The following UMAD1 variants were observed in gnomAD, a reference collection of about 807,000 sequenced individuals.
UMAD1 encodes the protein UBAP1-MVB12-associated (UMA)-domain containing protein 1.
UMAD1 carries 8 observed loss-of-function variants against 6.1 expected under a neutral mutation model. That is an observed-to-expected ratio of 1.30 (90% CI 0.76 to 2.35). The LOEUF (loss-of-function observed/expected upper bound fraction) is 2.35. UMAD1 is among the 30% of genes most tolerant of loss of function. UMAD1 has a pLI of 0.00. For synonymous variants in UMAD1, 56 were observed against 31.4 expected (o/e 1.78, Z -2.61); for missense variants, 130 against 78.4 (o/e 1.66, Z -2.49).
chr7:7,748,103 A>ATTTTTTTTTTTTT (rs35368211), intron 2 of UMAD1, among the ~76,000 whole-genome samples: 6 of 140,160 alleles, frequency 4.3e-5, no homozygotes, highest in African/African-American at 1.1e-4. Context: ...CGCCCAGCTA[A>ATTTTTTTTTTTTT]TTTTTTTTTT....
At chr7:7,861,351 C>G (rs529907640) in intron 3 of UMAD1, among the ~76,000 whole-genome samples, 17 of 152,218 alleles carry the variant, frequency 1.1e-4, no homozygotes, top group Non-Finnish European at 2.2e-4. Flanking sequence ...TCCTGCCATT[C>G]TGAATGGCCA....
intron 3 of UMAD1, among the ~76,000 whole-genome samples, chr7:7,828,842 C>T (rs563512576): frequency 1.4e-4 from 21 of 152,186 alleles, no homozygotes; most frequent in East Asian, 1.2e-3. Context: ...ACAAGAAAAT[C>T]GACTGGCCCA....
At chr7:7,835,812 T>A (rs917650221) in intron 3 of UMAD1, among the ~76,000 whole-genome samples, 1 of 152,020 alleles carries the variant, frequency 6.6e-6, no homozygotes, top group African/African-American at 2.4e-5. Context: ...TAGTTTGTAG[T>A]CTATTTAGTT....
At chr7:7,806,808 T>A (rs1782925993) in intron 3 of UMAD1, among the ~76,000 whole-genome samples, 1 of 152,200 alleles carries the variant, frequency 6.6e-6, no homozygotes, top group Admixed American at 6.5e-5. Flanking sequence ...CTAATTATTT[T>A]AATTTTTAAT....
At chr7:7,728,995 T>C (rs1429203440) in intron 2 of UMAD1, among the ~76,000 whole-genome samples, 4 of 152,194 alleles carry the variant, frequency 2.6e-5, no homozygotes, top group Admixed American at 6.5e-5. Context: ...AAAACTACAA[T>C]GTTCATAAGT....
intron 2 of UMAD1, among the ~76,000 whole-genome samples, chr7:7,703,858 C>T (rs879890022): frequency 2.6e-5 from 4 of 151,992 alleles, no homozygotes; most frequent in Non-Finnish European, 5.9e-5. Flanking sequence ...AGGAGGATTG[C>T]TTGAGCCTGG....
intron 2 of UMAD1, among the ~76,000 whole-genome samples, chr7:7,738,074 T>C (rs1437156366): frequency 6.6e-6 from 1 of 151,842 alleles, no homozygotes; most frequent in African/African-American, 2.4e-5. Context: ...AGAATGTCAC[T>C]TTAATACATA....
chr7:7,767,835 C>G (rs1782019919), intron 2 of UMAD1, among the ~76,000 whole-genome samples: 1 of 152,154 alleles, frequency 6.6e-6, no homozygotes, highest in Admixed American at 6.5e-5. Context: ...AGATGAGATC[C>G]CAAGCAAGCT....
intron 2 of UMAD1, among the ~76,000 whole-genome samples, chr7:7,739,465 T>TGAACAAG (rs1184120908): frequency 3.9e-5 from 6 of 152,228 alleles, no homozygotes; most frequent in African/African-American, 1.4e-4. Flanking sequence ...AAGTGGTTTT[T>TGAACAAG]TGAAGTAACT....
At position 7,860,944 on chromosome 7, in the gene UMAD1, T is replaced by C. The variant is rs567041679; in HGVS notation, c.157-16337T>C. 2.0e-5 allele frequency among the ~76,000 whole-genome samples: 3 copies of C among 152,284 alleles called. No homozygotes were observed. The South Asian group carries it at 6.2e-4, about 32-fold the overall frequency. ...TAAAAAGGAATGAAATTCTGATATATGCTACAACATATATGGACCTTGAAA... is the reference window on the plus strand; with the variant it reads ...TAAAAAGGAATGAAATTCTGATATACGCTACAACATATATGGACCTTGAAA... On this transcript the variant is annotated intron_variant, in intron 3 of 3. Transcript: ENST00000682710.
chr7:7,749,094 C>T (rs1781630010), intron 2 of UMAD1, among the ~76,000 whole-genome samples: 1 of 152,144 alleles, frequency 6.6e-6, no homozygotes, highest in Non-Finnish European at 1.5e-5. Flanking sequence ...CTAGCATGAG[C>T]CTTTCCATAC....
intron 3 of UMAD1, among the ~76,000 whole-genome samples, chr7:7,858,891 C>A (rs1390238897): frequency 1.3e-5 from 2 of 152,088 alleles, no homozygotes; most frequent in African/African-American, 2.4e-5. Context: ...CCAGATTTTG[C>A]CACTAATCTC....
chr7:7,812,725 G>A (rs186558086), intron 3 of UMAD1, among the ~76,000 whole-genome samples: 43 of 150,860 alleles, frequency 2.9e-4, no homozygotes, highest in Admixed American at 1.1e-3. Context: ...TACTTTTATA[G>A]CTTTAAAAAC....
At chr7:7,849,103 A>G (rs1783864804) in intron 3 of UMAD1, among the ~76,000 whole-genome samples, 1 of 152,206 alleles carries the variant, frequency 6.6e-6, no homozygotes, top group African/African-American at 2.4e-5. Flanking sequence ...GAGTGAGGTA[A>G]TAGTGACTAA....
intron 1 of UMAD1, among the ~76,000 whole-genome samples, chr7:7,651,461 C>T (rs28916278): frequency 0.07 from 10,589 of 152,256 alleles, 488 homozygotes; most frequent in Middle Eastern, 0.13. Context: ...AGGCTGGGGC[C>T]TTTGCCAGGG....
intron 1 of UMAD1, among the ~76,000 whole-genome samples, chr7:7,646,442 G>C (rs1785094777): frequency 6.7e-6 from 1 of 149,444 alleles, no homozygotes; most frequent in Non-Finnish European, 1.5e-5. Flanking sequence ...AGTCTCACGA[G>C]ATCTGATGGC....
At chr7:7,801,989 T>G (rs1782809292) in intron 3 of UMAD1, among the ~76,000 whole-genome samples, 1 of 152,256 alleles carries the variant, frequency 6.6e-6, no homozygotes. Flanking sequence ...AATCAAGTCC[T>G]TAAGTTAAAA....
intron 3 of UMAD1, among the ~76,000 whole-genome samples, chr7:7,813,660 T>C (rs1783069077): frequency 6.6e-6 from 1 of 152,218 alleles, no homozygotes. Context: ...TGGTAAATGG[T>C]TGTATAACCC....
intron 2 of UMAD1, among the ~76,000 whole-genome samples, chr7:7,746,005 G>C (rs1781566029): frequency 6.6e-6 from 1 of 152,148 alleles, no homozygotes; most frequent in Non-Finnish European, 1.5e-5. Flanking sequence ...TGAGTAGCTA[G>C]GACTACAGGC....
Sources: allele counts gnomAD v4.1 joint callset (sites outside exome capture counted in the v4.1 genomes callset), GRCh38; gene constraint gnomAD v4.1.1; transcripts MANE v1.5; gene names NCBI Gene and HGNC (gene_info 2026-07-23, HGNC 2026-07-21).